Variants in OTOGL observed in about 807,000 individuals in gnomAD.
OTOGL encodes the protein otogelin-like protein.
Under a neutral mutation model 318.5 loss-of-function variants are expected in OTOGL, and 285 were observed. That is an observed-to-expected ratio of 0.89 (90% CI 0.81 to 0.99). The LOEUF is 0.99. Ranked by LOEUF, OTOGL falls within the 50% of genes least tolerant of loss-of-function variation. The pLI, the probability that OTOGL is intolerant of heterozygous loss-of-function variation, is 0.00. For synonymous variants in OTOGL, 987 were observed against 936.5 expected (o/e 1.05, Z -0.99); for missense variants, 2,899 against 2,845.6 (o/e 1.02, Z -0.43).
intron 3 of OTOGL, among the ~76,000 whole-genome samples, chr12:80,211,748 T>C (rs1178904108): frequency 6.6e-6 from 1 of 152,156 alleles, no homozygotes; most frequent in Non-Finnish European, 1.5e-5. Flanking sequence ...ACTTCTGAAT[T>C]TTGTAAAATG....
chr12:80,133,383 A>T (rs948553046), intron 1 of OTOGL: 2 of 152,214 alleles, frequency 1.3e-5, no homozygotes, highest in African/African-American at 2.4e-5. Flanking sequence ...TATGAAATTT[A>T]CTTGAAAATT....
chr12:80,318,187 C>T (rs1431575362), intron 32 of OTOGL, among the ~76,000 whole-genome samples: 2 of 151,988 alleles, frequency 1.3e-5, no homozygotes, highest in African/African-American at 4.8e-5. Context: ...AAGTCTTGCC[C>T]TTATATTCTT....
Position 80,313,603 on chromosome 12 carries a change from C to T in OTOGL, c.3578C>T (p.Ser1193Leu). The T allele has an allele frequency of 1.2e-6, 2 of 1,612,548 alleles. No homozygotes were observed. The highest frequency in any genetic ancestry group is 8.5e-7 in the Non-Finnish European group (1 of 1,179,024). The change falls in exon 31 of 59, where the codon TCA becomes TTA. Residue 1193 changes from serine (S) to leucine (L), a missense_variant. Coordinates refer to ENST00000547103, the MANE Select transcript of OTOGL (RefSeq NM_001378609.3). The part of the protein sequence containing the change: ...YAYKCCQEGI[S>L]IHWRSSTVCS... ...TACAAGTGTTGTCAGGAAGGAATAT[C>T]AATTCATTGGAGATCATCTACTGTT...
chr12:80,128,695 G>A (rs1041948421), intron 1 of OTOGL, among the ~76,000 whole-genome samples: 5 of 152,208 alleles, frequency 3.3e-5, no homozygotes, highest in Non-Finnish European at 5.9e-5. Flanking sequence ...CACCTAGTTC[G>A]AGCTTCCTGG....
chr12:80,173,458 A>C (rs1255489395), intron 1 of OTOGL, among the ~76,000 whole-genome samples: 1 of 152,090 alleles, frequency 6.6e-6, no homozygotes, highest in African/African-American at 2.4e-5. Flanking sequence ...AGTGTCTTTT[A>C]GCATGCTAAT....
intron 42 of OTOGL, among the ~76,000 whole-genome samples, chr12:80,338,141 G>A (rs560594654): frequency 1.2e-4 from 19 of 152,162 alleles, no homozygotes; most frequent in Non-Finnish European, 2.5e-4. Context: ...TTATACTTGT[G>A]CATGATTTGC....
In OTOGL at chr12:80,370,713, A is replaced by T. The variant is rs185753093; in HGVS notation, c.6735+24A>T. 6 of 1,464,942 alleles carry T rather than the reference A, an allele frequency of 4.1e-6. No homozygotes were observed. The African/African-American group carries it at 5.7e-5, about 14-fold the overall frequency. 90.7% of individuals were successfully genotyped at this position (1,464,942 alleles called of 1,614,324 possible). A position where few individuals can be genotyped will look rare whatever the true frequency, so the allele number is the denominator to read the frequency against. On this transcript the variant is annotated intron_variant, in intron 56 of 58. Transcript: ENST00000547103. Reference sequence around the variant, plus strand: ...TGGTTTGTACTTTGTTGTATCTAAGAAAATTTATTATTATATAATTTAGAA... The same window carrying T: ...TGGTTTGTACTTTGTTGTATCTAAGTAAATTTATTATTATATAATTTAGAA...
At chr12:80,289,592 C>T (rs118140221) in intron 26 of OTOGL, among the ~76,000 whole-genome samples, 2,928 of 152,324 alleles carry the variant, frequency 0.019, 47 homozygotes, top group Middle Eastern at 0.054. Flanking sequence ...AGATGTCCTG[C>T]CCAGTGAGGA....
At chr12:80,269,828 C>T (rs1883266343) in intron 22 of OTOGL, among the ~76,000 whole-genome samples, 1 of 152,132 alleles carries the variant, frequency 6.6e-6, no homozygotes, top group East Asian at 1.9e-4. Context: ...TTCTGTGAGA[C>T]AAATTATGGT....
chr12:80,328,406 G>T (rs768355858), intron 35 of OTOGL, among the ~76,000 whole-genome samples: 1 of 152,144 alleles, frequency 6.6e-6, no homozygotes, highest in Non-Finnish European at 1.5e-5. Flanking sequence ...CAGGGACTTA[G>T]TGTGCCCCAA....
At chr12:80,254,975 C>T in intron 15 of OTOGL, 65 bp from the exon 16 acceptor site, 1 of 1,269,556 alleles carries the variant, frequency 7.9e-7, no homozygotes, top group Non-Finnish European at 1.0e-6. Flanking sequence ...GTATCATCCT[C>T]CTCTCTCTCC....
chr12:80,358,347 G>A lies in OTOGL; in HGVS notation c.6119G>A (p.Cys2040Tyr). Residue 2040 changes from cysteine to tyrosine, a missense_variant and splice_region_variant, in exon 50 of 59, where the codon TGT (cysteine) becomes TAT (tyrosine). By Grantham distance (194) the Cys-to-Tyr change is radical (BLOSUM62 -2). Coordinates refer to ENST00000547103, the MANE Select transcript of OTOGL (RefSeq NM_001378609.3). Reference sequence around the variant, plus strand: ...CACTTCTGTTGTCCTCAGTATTACTGTGGTAAGTGTATATTAACTATTCTA... The same window carrying A: ...CACTTCTGTTGTCCTCAGTATTACTATGGTAAGTGTATATTAACTATTCTA... ...STHFCCPQYY[C>Y]VCEPNLCPMP... 6.3e-7 allele frequency: 1 copy of A among 1,579,070 alleles called. No individual in the cohort carries two copies. Among genetic ancestry groups the A allele is most frequent in the East Asian group, 2.2e-5 (1 of 44,486 alleles).
intron 6 of OTOGL, 132 bp downstream of exon 6, chr12:80,220,044 T>C (rs1878154921): frequency 1.4e-6 from 1 of 695,810 alleles, no homozygotes; most frequent in Admixed American, 3.0e-5. Context: ...TTCTCAGTAA[T>C]TTGATGTAAT....
chr12:80,311,732 GAGTC>G (rs1886647174), intron 30 of OTOGL, among the ~76,000 whole-genome samples: 1 of 152,182 alleles, frequency 6.6e-6, no homozygotes, highest in Non-Finnish European at 1.5e-5. Context: ...TGTGTGAAAT[GAGTC>G]CGTGTCTTTA....
At chr12:80,107,931 C>T (rs1869551349) in intron 1 of OTOGL, among the ~76,000 whole-genome samples, 1 of 151,968 alleles carries the variant, frequency 6.6e-6, no homozygotes. Flanking sequence ...AAATAACAGA[C>T]ACTGGGGCCT....
chr12:80,166,524 G>A (rs931107686), intron 1 of OTOGL, among the ~76,000 whole-genome samples: 1 of 151,762 alleles, frequency 6.6e-6, no homozygotes, highest in Non-Finnish European at 1.5e-5. Context: ...TATTCTATTT[G>A]GCCTCTCTTT....
chr12:80,136,622 T>C (rs1056191469), intron 1 of OTOGL, among the ~76,000 whole-genome samples: 1 of 152,190 alleles, frequency 6.6e-6, no homozygotes, highest in African/African-American at 2.4e-5. Flanking sequence ...TTGGACTTGT[T>C]CTTCCTTCTA....
chr12:80,144,791 T>C (rs1428607269), intron 1 of OTOGL, among the ~76,000 whole-genome samples: 1 of 152,214 alleles, frequency 6.6e-6, no homozygotes, highest in Non-Finnish European at 1.5e-5. Flanking sequence ...TTGATTTGCA[T>C]TTCTCTGATG....
chr12:80,142,598 A>C (rs922446014), intron 1 of OTOGL, among the ~76,000 whole-genome samples: 2 of 152,110 alleles, frequency 1.3e-5, no homozygotes, highest in Non-Finnish European at 2.9e-5. Context: ...CCACTATCCC[A>C]AGGCCAGGAG....
Sources: gnomAD v4.1 joint callset for allele counts (sites outside exome capture counted in the v4.1 genomes callset) on GRCh38, gnomAD v4.1.1 for gene constraint, MANE v1.5 for transcripts, NCBI Gene and HGNC (gene_info 2026-07-23, HGNC 2026-07-21) for gene names.